The following SLC39A14 variants were observed in gnomAD, a reference collection of about 807,000 sequenced individuals.
SLC39A14 encodes the protein solute carrier family 39 member 14.
SLC39A14 carries 19 observed loss-of-function variants against 45.5 expected under a neutral mutation model. The ratio of observed to expected loss-of-function variants is 0.42; its 90% confidence interval spans 0.29 to 0.61. The LOEUF is 0.61. Among genes scored for constraint, SLC39A14 ranks in the 20% least tolerant of loss-of-function variants. SLC39A14 has a pLI of 0.22. For synonymous variants in SLC39A14, 264 were observed against 251.3 expected (o/e 1.05, Z -0.48); for missense variants, 447 against 616.5 (o/e 0.73, Z 2.91).
At chr8:22,394,814 G>T (rs1834291682) in intron 1 of SLC39A14, among the ~76,000 whole-genome samples, 1 of 152,074 alleles carries the variant, frequency 6.6e-6, no homozygotes, top group Admixed American at 6.6e-5. Flanking sequence ...TCTGCCTGTT[G>T]TCTTTACCAA....
At chr8:22,406,533 A>G (rs975178268) in intron 2 of SLC39A14, among the ~76,000 whole-genome samples, 2 of 152,252 alleles carry the variant, frequency 1.3e-5, no homozygotes, top group African/African-American at 2.4e-5. Flanking sequence ...CTCTGCTAAA[A>G]ATACAAAAAT....
chr8:22,426,101 A>T (rs1836383016), downstream of SLC39A14, among the ~76,000 whole-genome samples: 1 of 152,058 alleles, frequency 6.6e-6, no homozygotes, highest in South Asian at 2.1e-4. Context: ...CATATGGGTC[A>T]GGTTGGTCTC....
Position 22,422,584 on chromosome 8 carries a change from G to C in SLC39A14, c.*2886G>C. 1.0e-6 allele frequency: 1 copy of C among 984,358 alleles called. No individual in the cohort carries two copies. Among genetic ancestry groups the C allele is most frequent in the South Asian group, 4.7e-5 (1 of 21,258 alleles). The allele number at this position is 984,358 out of a possible 1,614,324, so 61.0% of individuals were successfully genotyped here. A position where few individuals can be genotyped will look rare whatever the true frequency, so the allele number is the denominator to read the frequency against. On this transcript the variant is annotated 3_prime_UTR_variant, in exon 9 of 9. Coordinates refer to ENST00000381237, the MANE Select transcript of SLC39A14 (RefSeq NM_001128431.4). ...CACAGTATTTTTTTAAATAACTCAG[G>C]TGTATGAGAAGAAATTAGAAAAGAA...
intron 1 of SLC39A14, among the ~76,000 whole-genome samples, chr8:22,404,319 G>C (rs1250462898): frequency 6.6e-6 from 1 of 151,464 alleles, no homozygotes; most frequent in Non-Finnish European, 1.5e-5. Context: ...CCAGCTACTT[G>C]GGAGGCCTGA....
At position 22,421,232 on chromosome 8, in the gene SLC39A14, A is replaced by G. The variant is rs1219311424; in HGVS notation, c.*1534A>G. On this transcript the variant is annotated 3_prime_UTR_variant, in exon 9 of 9. Coordinates refer to ENST00000381237, the MANE Select transcript of SLC39A14 (RefSeq NM_001128431.4). The stretch of plus-strand genomic sequence containing the variant: ...TGACAGGAGTACTGGTTCACTACCA[A>G]TGCCTGAGCTTTTCTCTTACATAGA... 6.1e-6 allele frequency: 6 copies of G among 985,718 alleles called. No homozygotes were observed. The South Asian group carries it at 1.9e-4, about 31-fold the overall frequency. 61.1% of individuals were successfully genotyped at this position (985,718 alleles called of 1,614,324 possible). A position where few individuals can be genotyped will look rare whatever the true frequency, so the allele number is the denominator to read the frequency against.
At chr8:22,423,786 T>TTCTCTCTCCCTCTCTCTCTCTCTCTC (rs1836331396), downstream of SLC39A14, among the ~76,000 whole-genome samples, 1 of 122,170 alleles carries the variant, frequency 8.2e-6, no homozygotes, top group African/African-American at 2.9e-5. Flanking sequence ...TTTAATTGGT[T>TTCTCTCTCCCTCTCTCTCTCTCTCTC]TCTCTCTCTC....
intron 4 of SLC39A14, among the ~76,000 whole-genome samples, chr8:22,414,091 A>G (rs1835737245): frequency 6.6e-6 from 1 of 152,014 alleles, no homozygotes; most frequent in African/African-American, 2.4e-5. Context: ...ATTCACAAGA[A>G]CCCACCATAA....
downstream of SLC39A14, among the ~76,000 whole-genome samples, chr8:22,425,217 C>T (rs1394203375): frequency 6.6e-6 from 1 of 151,980 alleles, no homozygotes; most frequent in Non-Finnish European, 1.5e-5. Context: ...TACTTGTGGC[C>T]CACGTGGAAC....
intron 1 of SLC39A14, among the ~76,000 whole-genome samples, chr8:22,368,627 C>A (rs1048113004): frequency 2.0e-5 from 3 of 152,154 alleles, no homozygotes; most frequent in Non-Finnish European, 4.4e-5. Flanking sequence ...ACCTCCGCCT[C>A]CCGGGTTCAA....
chr8:22,422,538 T>G lies in SLC39A14; in HGVS notation c.*2840T>G. ...TAGGATTTTATTGTTCTTATTTCCC[T>G]TTACAGTTCTGCAGTTCCATCACAG... On this transcript the variant is annotated 3_prime_UTR_variant, in exon 9 of 9. Coordinates refer to ENST00000381237, the MANE Select transcript of SLC39A14 (RefSeq NM_001128431.4). The G allele has an allele frequency of 1.0e-6, 1 of 985,574 alleles. No homozygotes were observed. The highest frequency in any genetic ancestry group is 1.2e-6 in the Non-Finnish European group (1 of 829,666). The allele number at this position is 985,574 out of a possible 1,614,324, so 61.1% of individuals were successfully genotyped here. A position where few individuals can be genotyped will look rare whatever the true frequency, so the allele number is the denominator to read the frequency against.
intron 2 of SLC39A14, among the ~76,000 whole-genome samples, chr8:22,407,558 A>C (rs1835297555): frequency 6.6e-6 from 1 of 151,978 alleles, no homozygotes; most frequent in African/African-American, 2.4e-5. Context: ...ATGGGGCTTC[A>C]ACATGTTGGC....
At chr8:22,403,612 A>G (rs1002604190) in intron 1 of SLC39A14, among the ~76,000 whole-genome samples, 1 of 151,530 alleles carries the variant, frequency 6.6e-6, no homozygotes, top group Non-Finnish European at 1.5e-5. Context: ...ATTTCAGAGC[A>G]TTTCAAACAT....
In SLC39A14 at chr8:22,422,407, G is replaced by A. The variant is rs1836279440; in HGVS notation, c.*2709G>A. The A allele has an allele frequency of 1.0e-6, 1 of 985,838 alleles. No homozygotes were observed. The allele number at this position is 985,838 out of a possible 1,614,324, so 61.1% of individuals were successfully genotyped here. ...TGGGTTTTAAAAAGAAGGCTTCTCT[G>A]TTTGGGTAGCGTAAGAGCTGAGTAT... On this transcript the variant is annotated 3_prime_UTR_variant, in exon 9 of 9. Transcript: ENST00000381237.
At position 22,404,681 on chromosome 8, in the gene SLC39A14, C is replaced by CTTT; in HGVS notation, c.-15-12_-15-10dup. ...AGGGAGAGGCCTCAGCTTCACCTGC[C>CTTT]TTTTTCTCTCACAGGTTTATTCAGT... On this transcript the variant is annotated splice_polypyrimidine_tract_variant and intron_variant, in intron 1 of 8. Transcript: ENST00000381237. 6.2e-7 allele frequency: 1 copy of CTTT among 1,601,286 alleles called. No homozygotes were observed. Among genetic ancestry groups the CTTT allele is most frequent in the Non-Finnish European group, 8.5e-7 (1 of 1,173,112 alleles).
At chr8:22,396,046 G>T (rs1297021005) in intron 1 of SLC39A14, among the ~76,000 whole-genome samples, 1 of 151,994 alleles carries the variant, frequency 6.6e-6, no homozygotes, top group East Asian at 1.9e-4. Context: ...ACTTCCTTGG[G>T]AGTTGTATTC....
At chr8:22,396,590 G>C (rs1834489752) in intron 1 of SLC39A14, among the ~76,000 whole-genome samples, 1 of 95,938 alleles carries the variant, frequency 1.0e-5, no homozygotes. Context: ...GAGAGAGAGA[G>C]AGAGAGAGAA....
Position 22,429,644 on chromosome 8 carries a change from C to T in SLC39A14, c.1333-4247C>T, listed in dbSNP as rs553131936. The stretch of plus-strand genomic sequence containing the variant: ...GAGCAGCATGGGGATGGGAGGTAGA[C>T]GAGAAGGGAATGATCTCCTGAAGCC... On this transcript the variant is annotated intron_variant, in intron 8 of 8. Transcript: ENST00000240095. Among the ~76,000 whole-genome samples, 12 of 152,212 alleles carry T rather than the reference C, an allele frequency of 7.9e-5. No individual in the cohort carries two copies. In the South Asian group the frequency reaches 1.0e-3, roughly 13 times the overall value.
intron 2 of SLC39A14, 128 bp from the exon 3 acceptor site, chr8:22,408,182 A>G (rs1835339175): frequency 1.8e-5 from 15 of 827,216 alleles, no homozygotes; most frequent in Non-Finnish European, 1.9e-6. Flanking sequence ...ATGAATCTAC[A>G]AATTCCCTGA....
Position 22,395,096 on chromosome 8 carries a change from G to A in SLC39A14, c.-15-9600G>A, listed in dbSNP as rs1388070554. ...GCAATATTGGCTCACTGCAACCTTCGCCTCCCGGGTTCAAGCAATTCCCCT... is the reference window on the plus strand; with the variant it reads ...GCAATATTGGCTCACTGCAACCTTCACCTCCCGGGTTCAAGCAATTCCCCT... On this transcript the variant is annotated intron_variant, in intron 1 of 8. Transcript: ENST00000381237. Among the ~76,000 whole-genome samples, 10 of 150,718 alleles carry A rather than the reference G, an allele frequency of 6.6e-5. 1 individual carries two copies. Among genetic ancestry groups the A allele is most frequent in the African/African-American group, 2.4e-5 (1 of 40,884 alleles).
Sources: gnomAD v4.1 joint callset for allele counts (sites outside exome capture counted in the v4.1 genomes callset) on GRCh38, gnomAD v4.1.1 for gene constraint, MANE v1.5 for transcripts, NCBI Gene and HGNC (gene_info 2026-07-23, HGNC 2026-07-21) for gene names.